Variants in MYH1 observed in about 807,000 individuals in gnomAD.
The protein encoded by MYH1 is myosin heavy chain 1, also known as myosin-1.
In MYH1, 214 loss-of-function variants were observed where a neutral mutation model predicts 225.6. That is an observed-to-expected ratio of 0.95 (90% CI 0.85 to 1.06). The LOEUF is 1.06. MYH1 is among the 50% of genes least tolerant of loss of function. The probability of loss-of-function intolerance (pLI) is 0.00; values close to 1 mark genes in which losing one functional copy is unlikely to be tolerated. For missense variants in MYH1, 2,098 were observed against 2,344.2 expected (o/e 0.89, Z 2.17); for synonymous variants, 774 against 842.3 (o/e 0.92, Z 1.40).
Position 10,498,729 on chromosome 17 carries a change from C to A in MYH1, c.4078G>T (p.Glu1360Ter). The change falls in exon 30 of 40, where the codon GAG becomes TAG. Residue 1360 changes from glutamate to a stop codon, truncating the protein, a stop_gained. Transcript: ENST00000226207. LOFTEE classifies it high-confidence loss of function. ...QYEEEQEAKAELQRAMSKANS... is the reference protein window; with the variant it reads ...QYEEEQEAKA ...GCCTTGGACATTGCTCTCTGTAGCT[C>A]GGCCTTGGCTTCCTGCTCCTCCTCA... is the stretch of plus-strand genomic sequence containing the variant. The A allele has an allele frequency of 6.2e-7, 1 of 1,614,146 alleles. No individual in the cohort carries two copies. Among genetic ancestry groups the A allele is most frequent in the Non-Finnish European group, 8.5e-7 (1 of 1,179,980 alleles).
At chr17:10,511,541 G>C (rs2073169964) in intron 14 of MYH1, among the ~76,000 whole-genome samples, 1 of 152,066 alleles carries the variant, frequency 6.6e-6, no homozygotes, top group Non-Finnish European at 1.5e-5. Flanking sequence ...CTGTGATCTG[G>C]AATGTTAAGT....
Position 10,505,221 on chromosome 17 carries a change from G to A in MYH1, c.2377C>T (p.Gln793Ter). Residue 793 changes from glutamine to a stop codon, truncating the protein, a stop_gained, in exon 21 of 40, where the codon CAG becomes TAG. Coordinates refer to ENST00000226207, the MANE Select transcript of MYH1 (RefSeq NM_005963.4). LOFTEE classifies it high-confidence loss of function. ...EKLAQLITRT[Q>*]AMCRGFLARV... ...GCCAAGAACCCTCTGCACATGGCCTGGGTTCGGGTAATCAGCTGGGCCAGC... is the reference window on the plus strand; with the variant it reads ...GCCAAGAACCCTCTGCACATGGCCTAGGTTCGGGTAATCAGCTGGGCCAGC... 6.2e-7 allele frequency: 1 copy of A among 1,614,238 alleles called. No homozygotes were observed.
chr17:10,500,892 G>A (rs1219019367), intron 27 of MYH1, 140 bp from the exon 28 acceptor site: 2 of 1,379,322 alleles, frequency 1.4e-6, no homozygotes, highest in African/African-American at 1.5e-5. Context: ...ACCAGCAAAG[G>A]TCTTAGATAG....
chr17:10,501,930 T>C lies in MYH1; in HGVS notation c.3112-19A>G. ...CTTCAAGCTAAAAGTTAATAATCCA[T>C]GAATATGGTTCTTAGAATGGTAGCA... On this transcript the variant is annotated intron_variant, in intron 24 of 39. Transcript: ENST00000226207. 1.9e-6 allele frequency: 3 copies of C among 1,593,266 alleles called. No individual in the cohort carries two copies. The highest frequency in any genetic ancestry group is 2.6e-6 in the Non-Finnish European group (3 of 1,173,080).
chr17:10,495,778 C>CAAAAAAAAAA (rs2072985156), intron 35 of MYH1, among the ~76,000 whole-genome samples, 172 bp downstream of exon 35: 1 of 52,634 alleles, frequency 1.9e-5, no homozygotes, highest in African/African-American at 5.0e-5. Context: ...AAAAAAAAAT[C>CAAAAAAAAAA]AACTATGGAT....
In MYH1 at chr17:10,501,672, TTCAAAC is replaced by T; in HGVS notation, c.3264_3269del (p.Phe1089_Glu1090del). The T allele has an allele frequency of 6.2e-7, 1 of 1,614,224 alleles. No individual in the cohort carries two copies. Among genetic ancestry groups the T allele is most frequent in the East Asian group, 2.2e-5 (1 of 44,890 alleles). The stretch of plus-strand genomic sequence containing the variant: ...CAATCTTGCTTTGCAGACCGCTCAT[TTCAAAC>T]TCTTTCCTATTAGAAAAGCCCTTTA... On this transcript the variant is annotated inframe_deletion, in exon 26 of 40. Transcript: ENST00000226207.
Position 10,501,296 on chromosome 17 carries a change from C to G in MYH1, c.3552G>C (p.Glu1184Asp). Reference sequence around the variant, plus strand: ...CCGTGGCTTCATGCTGTAGGGTGGCCTCCTCCAGGTCCCTGCGCATTTTCT... The same window carrying G: ...CCGTGGCTTCATGCTGTAGGGTGGCGTCCTCCAGGTCCCTGCGCATTTTCT... ...EFQKMRRDLE[E>D]ATLQHEATAA... The change falls in exon 27 of 40, where the codon GAG becomes GAC. Residue 1184 changes from glutamate (E) to aspartate (D), a missense_variant. Coordinates refer to ENST00000226207, the MANE Select transcript of MYH1 (RefSeq NM_005963.4). 3 of 1,614,224 alleles carry G rather than the reference C, an allele frequency of 1.9e-6. No individual in the cohort carries two copies. Among genetic ancestry groups the G allele is most frequent in the Non-Finnish European group, 2.5e-6 (3 of 1,180,042 alleles).
At chr17:10,513,234 C>T (rs373609270) in intron 9 of MYH1, among the ~76,000 whole-genome samples, 57 of 152,178 alleles carry the variant, frequency 3.7e-4, no homozygotes, top group African/African-American at 1.3e-3. Flanking sequence ...CCTGAGACTC[C>T]CTCTGCAGGG....
chr17:10,492,379 G>A lies in MYH1; in HGVS notation c.*37C>T, dbSNP rs2142249833. 6.2e-7 allele frequency: 1 copy of A among 1,604,398 alleles called. No individual in the cohort carries two copies. The highest frequency in any genetic ancestry group is 8.5e-7 in the Non-Finnish European group (1 of 1,176,244). On this transcript the variant is annotated 3_prime_UTR_variant, in exon 40 of 40. Coordinates refer to ENST00000226207, the MANE Select transcript of MYH1 (RefSeq NM_005963.4). ...GGAGTGACAAAGATTTTCACATTTT[G>A]TGCATTTCTTTGGTCACCTTTCAGC... is the stretch of plus-strand genomic sequence containing the variant.
intron 15 of MYH1, among the ~76,000 whole-genome samples, 190 bp from the exon 16 acceptor site, chr17:10,508,862 C>T (rs2073144193): frequency 6.6e-6 from 1 of 152,212 alleles, no homozygotes; most frequent in Non-Finnish European, 1.5e-5. Context: ...GAGCCACGTG[C>T]TGTATCAGGC....
intron 33 of MYH1, 59 bp downstream of exon 33, chr17:10,497,010 C>T: frequency 6.4e-7 from 1 of 1,573,262 alleles, no homozygotes; most frequent in Non-Finnish European, 8.6e-7. Context: ...CCATTCCTTA[C>T]ATTTAATAGA....
Position 10,516,456 on chromosome 17 carries a change from T to C in MYH1, c.187A>G (p.Lys63Glu), listed in dbSNP as rs768253125. 1 of 1,614,220 alleles carries C rather than the reference T, an allele frequency of 6.2e-7. No homozygotes were observed. Among genetic ancestry groups the C allele is most frequent in the Non-Finnish European group, 8.5e-7 (1 of 1,180,046 alleles). Residue 63 changes from lysine to glutamate, a missense_variant, in exon 3 of 40, where the codon AAG becomes GAG. Coordinates refer to ENST00000226207, the MANE Select transcript of MYH1 (RefSeq NM_005963.4). ...TTACTCACAGCTCCAGCTTCGGTCT[T>C]AGCTGTCACCTTCCCCCCTTCCCTG... The part of the protein sequence containing the change: ...QSREGGKVTA[K>E]TEAGATVTVK...
rs551405461 is a variant in MYH1 at position 10,497,655 on chromosome 17, G to C, written c.4365+79C>G. The C allele has an allele frequency of 6.3e-6, 10 of 1,577,988 alleles. No homozygotes were observed. The African/African-American group carries it at 1.4e-4, about 21-fold the overall frequency. On this transcript the variant is annotated intron_variant, in intron 31 of 39. Transcript: ENST00000226207. ...AGCTACTGAGAACAGCCCTCAGATG[G>C]TTTGAATTGGGCACACTGAAGGTAG...
Position 10,504,835 on chromosome 17 carries a change from T to C in MYH1, c.2666A>G (p.Asn889Ser), listed in dbSNP as rs1409226689. ...AGCTTGAACCTGGAGTTGCAAGTCA[T>C]TTTTTTCTTGCATCAGAGTAACCAT... ...EKMVTLMQEKNDLQLQVQAEA... is the reference protein window; with the variant it reads ...EKMVTLMQEKSDLQLQVQAEA... Residue 889 changes from asparagine to serine, a missense_variant, in exon 22 of 40, where the codon AAT becomes AGT. Transcript: ENST00000226207. The C allele has an allele frequency of 6.2e-7, 1 of 1,613,936 alleles. No individual in the cohort carries two copies. Among genetic ancestry groups the C allele is most frequent in the Admixed American group, 1.7e-5 (1 of 59,968 alleles).
At chr17:10,512,257 A>C (rs2142277101) in intron 12 of MYH1, 65 bp from the exon 13 acceptor site, 1 of 1,583,438 alleles carries the variant, frequency 6.3e-7, no homozygotes, top group Non-Finnish European at 8.7e-7. Context: ...AAAGGGGCAT[A>C]GTATTGAGTA....
Position 10,509,408 on chromosome 17 carries a change from C to A in MYH1, c.1587+77G>T, listed in dbSNP as rs2073149395. The A allele has an allele frequency of 1.9e-6, 3 of 1,596,240 alleles. No individual in the cohort carries two copies. The African/African-American group carries it at 4.0e-5, about 21-fold the overall frequency. ...CACAAGTAGAAATATTTAGCCATTG[C>A]CTATATCAAGATTTTATGATTTTCT... On this transcript the variant is annotated intron_variant, in intron 15 of 39. Transcript: ENST00000226207.
chr17:10,514,784 G>A (rs886853203), intron 6 of MYH1, 84 bp downstream of exon 6: 3 of 1,251,914 alleles, frequency 2.4e-6, no homozygotes, highest in Non-Finnish European at 3.5e-6. Context: ...CTTTAGTAGA[G>A]AACATTAACT....
At chr17:10,500,577 C>G in intron 28 of MYH1, 49 bp downstream of exon 28, 2 of 1,609,972 alleles carry the variant, frequency 1.2e-6, no homozygotes, top group Non-Finnish European at 1.7e-6. Flanking sequence ...GTGGATTACA[C>G]ATGCAGGGTG....
intron 28 of MYH1, among the ~76,000 whole-genome samples, chr17:10,500,363 T>C (rs1456384147): frequency 6.9e-6 from 1 of 145,584 alleles, no homozygotes; most frequent in African/African-American, 2.6e-5. Flanking sequence ...TCTCTCTCTT[T>C]ATATATATAT....
Sources: gnomAD v4.1 joint callset for allele counts (sites outside exome capture counted in the v4.1 genomes callset) on GRCh38, gnomAD v4.1.1 for gene constraint, MANE v1.5 for transcripts, NCBI Gene and HGNC (gene_info 2026-07-23, HGNC 2026-07-21) for gene names.